The following PARD3B variants were observed in gnomAD, a reference collection of about 807,000 sequenced individuals.
PARD3B encodes the protein par-3 family cell polarity regulator beta.
A neutral mutation model predicts 130.2 loss-of-function variants in PARD3B; 103 were observed. The observed-to-expected ratio is 0.79, with a 90% CI of 0.67 to 0.93. PARD3B has a LOEUF of 0.93. Among genes scored for constraint, PARD3B ranks in the 40% least tolerant of loss-of-function variants. PARD3B has a pLI of 0.00. For missense variants in PARD3B, 1,609 were observed against 1,499.2 expected (o/e 1.07, Z -1.21); for synonymous variants, 583 against 553.2 (o/e 1.05, Z -0.76).
At chr2:205,108,618 C>T (rs778015678) in intron 5 of PARD3B, among the ~76,000 whole-genome samples, 1 of 152,238 alleles carries the variant, frequency 6.6e-6, no homozygotes, top group East Asian at 1.9e-4. Flanking sequence ...ACTCCATCCC[C>T]TCACCTATCT....
rs531731782 is a variant in PARD3B at position 205,116,734 on chromosome 2, G to A, written c.681-2187G>A. 2.0e-5 allele frequency among the ~76,000 whole-genome samples: 3 copies of A among 152,278 alleles called. No individual in the cohort carries two copies. Among genetic ancestry groups the A allele is most frequent in the African/African-American group, 7.2e-5 (3 of 41,576 alleles). On this transcript the variant is annotated intron_variant, in intron 6 of 22. Coordinates refer to ENST00000406610, the MANE Select transcript of PARD3B (RefSeq NM_001302769.2). The surrounding 1 kb of genome is among the most constrained non-coding windows in gnomAD (Gnocchi z 4.5). ...GGGAATCTATCCCTTCCACGGAGCA[G>A]AGAGGGCAGAAGTGGTTTGTTGCCA... is the stretch of plus-strand genomic sequence containing the variant.
intron 1 of PARD3B, among the ~76,000 whole-genome samples, chr2:204,625,316 C>A (rs909274873): frequency 6.6e-6 from 1 of 152,050 alleles, no homozygotes; most frequent in Admixed American, 6.6e-5. Flanking sequence ...AGAGTGCCAT[C>A]TACTGAAGCT....
chr2:205,000,468 C>G lies in PARD3B; in HGVS notation c.394+35145C>G, dbSNP rs183724485. Among the ~76,000 whole-genome samples, 20 of 152,230 alleles carry G rather than the reference C, an allele frequency of 1.3e-4. No individual in the cohort carries two copies. The East Asian group carries it at 2.1e-3, about 16-fold the overall frequency. On this transcript the variant is annotated intron_variant, in intron 3 of 22. Coordinates refer to ENST00000406610, the MANE Select transcript of PARD3B (RefSeq NM_001302769.2). ...AATTCCATGTTTGTTATATTATGTT[C>G]CATGTATGCCTGAATATATGGCACA...
chr2:205,605,958 C>T lies in PARD3B; in HGVS notation c.3261-9498C>T, dbSNP rs372336774. 3.1e-4 allele frequency among the ~76,000 whole-genome samples: 47 copies of T among 152,284 alleles called. No homozygotes were observed. In the East Asian group the frequency reaches 3.9e-3, roughly 13 times the overall value. On this transcript the variant is annotated intron_variant, in intron 22 of 22. Coordinates refer to ENST00000406610, the MANE Select transcript of PARD3B (RefSeq NM_001302769.2). Reference sequence around the variant, plus strand: ...AATCCTGGCTGGAGTTGCTTAAATTCCTGCAGGGAAGACCCAGTTGGTGAG... The same window carrying T: ...AATCCTGGCTGGAGTTGCTTAAATTTCTGCAGGGAAGACCCAGTTGGTGAG...
chr2:204,982,694 A>G (rs1285624244), intron 3 of PARD3B, among the ~76,000 whole-genome samples: 6 of 152,240 alleles, frequency 3.9e-5, no homozygotes, highest in Non-Finnish European at 4.4e-5. Flanking sequence ...AAGTGTTCTA[A>G]TTAAATTTTT....
chr2:204,884,150 G>C (rs1185756281), intron 2 of PARD3B, among the ~76,000 whole-genome samples: 1 of 152,124 alleles, frequency 6.6e-6, no homozygotes. Flanking sequence ...TGATATCTGA[G>C]AGCCCACATA....
rs1392385167 is a variant in PARD3B, at chr2:204,902,324, TAAGCATGAGTG to T, written c.223-62827_223-62817del. Among the ~76,000 whole-genome samples the T allele has an allele frequency of 9.2e-4, 140 of 152,252 alleles. 1 individual carries two copies. Among genetic ancestry groups the T allele is most frequent in the African/African-American group, 3.2e-3 (134 of 41,542 alleles). ...AGACTCGAGATTAAAATATGGGTTA[TAAGCATGAGTG>T]TGATCGCTTCTGAATAGCTAGACGT... On this transcript the variant is annotated intron_variant, in intron 2 of 22. Transcript: ENST00000406610.
chr2:204,946,208 T>G (rs1689310352), intron 2 of PARD3B, among the ~76,000 whole-genome samples: 1 of 152,214 alleles, frequency 6.6e-6, no homozygotes, highest in Non-Finnish European at 1.5e-5. Context: ...AATGAGGAGT[T>G]GTATGCTCAG....
chr2:204,751,622 A>G (rs776170007), intron 2 of PARD3B, among the ~76,000 whole-genome samples: 2 of 152,202 alleles, frequency 1.3e-5, no homozygotes, highest in Non-Finnish European at 1.5e-5. Context: ...CCTGGTTTCC[A>G]GTACATCTGT....
chr2:205,468,556 C>T (rs1399737539), intron 20 of PARD3B, among the ~76,000 whole-genome samples: 1 of 152,196 alleles, frequency 6.6e-6, no homozygotes, highest in African/African-American at 2.4e-5. Context: ...TGTTATCCAC[C>T]TCATTGCTCA....
At chr2:205,077,474 A>G (rs563565505) in intron 4 of PARD3B, among the ~76,000 whole-genome samples, 3 of 152,262 alleles carry the variant, frequency 2.0e-5, no homozygotes, top group East Asian at 3.9e-4. Context: ...CACTCTCAGT[A>G]TTTGCCTGGC....
At chr2:205,497,419 T>G (rs2049971509) in intron 20 of PARD3B, among the ~76,000 whole-genome samples, 1 of 130,720 alleles carries the variant, frequency 7.6e-6, no homozygotes, top group East Asian at 2.3e-4. Flanking sequence ...AAAAGGTGTT[T>G]ACTCACCATT....
At chr2:204,980,033 A>G (rs1384177824) in intron 3 of PARD3B, among the ~76,000 whole-genome samples, 1 of 152,204 alleles carries the variant, frequency 6.6e-6, no homozygotes, top group Non-Finnish European at 1.5e-5. Context: ...AAAAGACTGA[A>G]AAGAAAAGCC....
intron 2 of PARD3B, among the ~76,000 whole-genome samples, chr2:204,904,513 A>G (rs765293318): frequency 1.3e-4 from 20 of 152,274 alleles, no homozygotes; most frequent in Admixed American, 3.3e-4. Context: ...CTTCTATTTT[A>G]TACCCCCTAA....
At chr2:205,085,602 C>A (rs903955267) in intron 4 of PARD3B, among the ~76,000 whole-genome samples, 4 of 151,842 alleles carry the variant, frequency 2.6e-5, no homozygotes, top group African/African-American at 7.3e-5. Context: ...TATACATTAT[C>A]ATTCATTGCT....
rs929063069 is a variant in PARD3B at position 205,301,612 on chromosome 2, C to G, written c.2541C>G (p.Gly847=). Residue 847 remains glycine (G), a synonymous_variant, in exon 18 of 23, where the codon GGC becomes GGG. Transcript: ENST00000406610. This position sits in a 1 kb window ranked among gnomAD's most constrained non-coding sequence, Gnocchi z 5.2. ...AGAAGGAGAAGAAAAAGGAAAAGGG[C>G]AAATTGAAAGTCAAGGAGAAAAAGC... The part of the protein sequence containing the change: ...TKEKEKKKEK[G]KLKVKEKKRK... The G allele has an allele frequency of 3.1e-6, 5 of 1,612,770 alleles. No homozygotes were observed. Among genetic ancestry groups the G allele is most frequent in the Non-Finnish European group, 4.2e-6 (5 of 1,179,242 alleles).
chr2:205,012,122 G>A (rs967082759), intron 3 of PARD3B, among the ~76,000 whole-genome samples: 1 of 152,138 alleles, frequency 6.6e-6, no homozygotes, highest in African/African-American at 2.4e-5. Flanking sequence ...GGTCTCAGCT[G>A]TCTCTCTTCT....
chr2:204,667,016 T>C (rs2036055606), intron 1 of PARD3B, among the ~76,000 whole-genome samples: 1 of 152,122 alleles, frequency 6.6e-6, no homozygotes, highest in African/African-American at 2.4e-5. Context: ...ATGCATTGAA[T>C]GGTGTGAATA....
chr2:204,750,296 G>A (rs2040409166), intron 2 of PARD3B, among the ~76,000 whole-genome samples: 1 of 152,118 alleles, frequency 6.6e-6, no homozygotes, highest in Non-Finnish European at 1.5e-5. Context: ...AATATTCATA[G>A]TGTTGGCCTG....
Sources: gnomAD v4.1 joint callset for allele counts (sites outside exome capture counted in the v4.1 genomes callset) on GRCh38, gnomAD v4.1.1 for gene constraint, Gnocchi (gnomAD v3.1) non-coding constraint, MANE v1.5 for transcripts, NCBI Gene and HGNC (gene_info 2026-07-23, HGNC 2026-07-21) for gene names.